The following SEC14L4 variants were observed in gnomAD, a reference collection of about 807,000 sequenced individuals.
SEC14L4 encodes SEC14 like lipid binding 4.
Under a neutral mutation model 55.1 loss-of-function variants are expected in SEC14L4, and 42 were observed. That is an observed-to-expected ratio of 0.76 (90% CI 0.60 to 0.99). The LOEUF (loss-of-function observed/expected upper bound fraction) is 0.99. Among genes scored for constraint, SEC14L4 ranks in the 50% least tolerant of loss-of-function variants. The pLI is 0.00. For synonymous variants in SEC14L4, 206 were observed against 206.8 expected, an observed-to-expected ratio of 1.00 and a Z score of 0.03; for missense variants, 445 against 512.1, an observed-to-expected ratio of 0.87 and a Z score of 1.27.
chr22:30,503,268 G>GT (rs746866054), intron 2 of SEC14L4, among the ~76,000 whole-genome samples: 5,727 of 144,596 alleles, frequency 0.04, 130 homozygotes, highest in Middle Eastern at 0.096. Flanking sequence ...TTGTTTTTTT[G>GT]TTTTTTTTTT....
rs1432751659 is a variant in SEC14L4, at chr22:30,489,926, T to C, written c.*181A>G. 6.4e-7 allele frequency: 1 copy of C among 1,551,926 alleles called. No homozygotes were observed. The highest frequency in any genetic ancestry group is 1.2e-5 in the South Asian group (1 of 84,086). ...CTGTCTGAATCTTCAGCATGGGCTA[T>C]GCACTGGTGGCCCCTTCCTGCTTGG... On this transcript the variant is annotated 3_prime_UTR_variant, in exon 12 of 12. Coordinates refer to ENST00000255858, the MANE Select transcript of SEC14L4 (RefSeq NM_174977.4).
chr22:30,496,807 G>C (rs1936166610), intron 2 of SEC14L4, among the ~76,000 whole-genome samples: 1 of 152,184 alleles, frequency 6.6e-6, no homozygotes, highest in African/African-American at 2.4e-5. Flanking sequence ...CTCACAGTAG[G>C]TTCTCAATAA....
chr22:30,497,808 T>C (rs1936198040), intron 2 of SEC14L4, among the ~76,000 whole-genome samples: 1 of 152,202 alleles, frequency 6.6e-6, no homozygotes, highest in Non-Finnish European at 1.5e-5. Flanking sequence ...TCATCTTCTG[T>C]GTCAATTCTG....
rs1316682057 is a variant in SEC14L4, at chr22:30,498,562, T to C, written c.131-2591A>G. Among the ~76,000 whole-genome samples the C allele has an allele frequency of 5.3e-5, 8 of 152,344 alleles. No homozygotes were observed. The East Asian group carries it at 1.5e-3, about 29-fold the overall frequency. ...TACCAATTGATATTTTTTCTTTCCA[T>C]GTAACATTGGCAAAGGTCTCCAGTT... On this transcript the variant is annotated intron_variant, in intron 2 of 11. Transcript: ENST00000255858.
chr22:30,501,154 C>A (rs1487886875), intron 2 of SEC14L4, among the ~76,000 whole-genome samples: 1 of 152,184 alleles, frequency 6.6e-6, no homozygotes, highest in African/African-American at 2.4e-5. Flanking sequence ...AGCTCAGCCT[C>A]AGCAGTAGCC....
chr22:30,503,661 C>T lies in SEC14L4; in HGVS notation c.130+16G>A, dbSNP rs201167347. On this transcript the variant is annotated intron_variant, in intron 2 of 11. Coordinates refer to ENST00000255858, the MANE Select transcript of SEC14L4 (RefSeq NM_174977.4). ...TTCCCTCCCTTTCTGCGTCCCCTGACCCCTGCAAGCCTCACCTCGCAGCCA... is the reference window on the plus strand; with the variant it reads ...TTCCCTCCCTTTCTGCGTCCCCTGATCCCTGCAAGCCTCACCTCGCAGCCA... 586 of 1,591,144 alleles carry T rather than the reference C, an allele frequency of 3.7e-4. 10 individuals carry two copies. The South Asian group carries it at 6.1e-3, about 17-fold the overall frequency.
Position 30,489,048 on chromosome 22 carries a change from C to G in SEC14L4, c.*1059G>C, listed in dbSNP as rs1024587936. 1.3e-5 allele frequency: 2 copies of G among 152,412 alleles called. No individual in the cohort carries two copies. Among genetic ancestry groups the G allele is most frequent in the African/African-American group, 4.8e-5 (2 of 41,412 alleles). 9.4% of individuals were successfully genotyped at this position (152,412 alleles called of 1,614,324 possible). On this transcript the variant is annotated 3_prime_UTR_variant, in exon 12 of 12. Coordinates refer to ENST00000255858, the MANE Select transcript of SEC14L4 (RefSeq NM_174977.4). The stretch of plus-strand genomic sequence containing the variant: ...TACGTATATGCACCCATGAATGGTG[C>G]AGCTGCCAAGAGAACCAAAGCTAAA...
chr22:30,489,647 C>T lies in SEC14L4; in HGVS notation c.*460G>A. On this transcript the variant is annotated 3_prime_UTR_variant, in exon 12 of 12. Transcript: ENST00000255858. ...CTGCCTCCAGCTGGGCCTGCCCACCCCTGCTGACCTCCTACATGCAGAGAA... is the reference window on the plus strand; with the variant it reads ...CTGCCTCCAGCTGGGCCTGCCCACCTCTGCTGACCTCCTACATGCAGAGAA... 1.7e-6 allele frequency: 1 copy of T among 599,640 alleles called. No homozygotes were observed. The highest frequency in any genetic ancestry group is 3.0e-5 in the Admixed American group (1 of 33,778). The allele number at this position is 599,640 out of a possible 1,614,324, so 37.1% of individuals were successfully genotyped here.
intron 11 of SEC14L4, among the ~76,000 whole-genome samples, chr22:30,490,874 G>C (rs1305512911): frequency 6.6e-6 from 1 of 152,150 alleles, no homozygotes; most frequent in Non-Finnish European, 1.5e-5. Context: ...AGGAGGAATG[G>C]GCTGGGCTAC....
intron 2 of SEC14L4, among the ~76,000 whole-genome samples, chr22:30,497,486 C>T (rs1196844376): frequency 2.7e-5 from 4 of 150,828 alleles, no homozygotes; most frequent in African/African-American, 7.3e-5. Context: ...GATCGCACTA[C>T]TGCACTCCAG....
chr22:30,503,277 T>TG (rs1273287995), intron 2 of SEC14L4, among the ~76,000 whole-genome samples: 1 of 151,656 alleles, frequency 6.6e-6, no homozygotes, highest in Non-Finnish European at 1.5e-5. Flanking sequence ...TGTTTTTTTT[T>TG]TTTTGAGACG....
chr22:30,495,212 C>T, intron 5 of SEC14L4, 42 bp downstream of exon 5: 3 of 1,534,426 alleles, frequency 2.0e-6, no homozygotes, highest in East Asian at 2.3e-5. Flanking sequence ...CCTGGTGCCA[C>T]CCTGTAGACA....
intron 6 of SEC14L4, among the ~76,000 whole-genome samples, chr22:30,494,446 C>T (rs563814804): frequency 3.3e-5 from 5 of 152,290 alleles, no homozygotes; most frequent in East Asian, 3.9e-4. Flanking sequence ...CAGGTCACTG[C>T]GACCTTGAAT....
chr22:30,490,045 G>A lies in SEC14L4; in HGVS notation c.*62C>T. 2 of 1,599,044 alleles carry A rather than the reference G, an allele frequency of 1.3e-6. No individual in the cohort carries two copies. The highest frequency in any genetic ancestry group is 1.7e-6 in the Non-Finnish European group (2 of 1,171,756). ...CTCCAGCACCACCCTGCCTGGGAAGGCAGGGGTCAGAGGGGTGGGTGTGAA... is the reference window on the plus strand; with the variant it reads ...CTCCAGCACCACCCTGCCTGGGAAGACAGGGGTCAGAGGGGTGGGTGTGAA... On this transcript the variant is annotated 3_prime_UTR_variant, in exon 12 of 12. Transcript: ENST00000255858.
At chr22:30,505,001 G>A (rs1021336541) in intron 1 of SEC14L4, among the ~76,000 whole-genome samples, 23 of 151,936 alleles carry the variant, frequency 1.5e-4, no homozygotes, top group African/African-American at 3.4e-4. Flanking sequence ...GTGTGGTGGC[G>A]GGCACCTGTA....
chr22:30,495,753 G>A (rs1002592163), intron 3 of SEC14L4, 111 bp from the exon 4 acceptor site: 2 of 1,607,400 alleles, frequency 1.2e-6, no homozygotes, highest in Non-Finnish European at 1.7e-6. Flanking sequence ...CAGGCTCTCA[G>A]AGCGTGGGGA....
chr22:30,492,432 T>G, intron 8 of SEC14L4, 42 bp downstream of exon 8: 1 of 1,536,874 alleles, frequency 6.5e-7, no homozygotes, highest in Non-Finnish European at 9.0e-7. Flanking sequence ...TGACCTCTGC[T>G]TCCCAGGCAG....
intron 7 of SEC14L4, among the ~76,000 whole-genome samples, chr22:30,493,357 T>C (rs1425218473): frequency 6.6e-6 from 1 of 152,212 alleles, no homozygotes; most frequent in Non-Finnish European, 1.5e-5. Flanking sequence ...CTGTTTCATT[T>C]AACCTCATAG....
chr22:30,499,079 T>C (rs58750696), intron 2 of SEC14L4, among the ~76,000 whole-genome samples: 5,836 of 152,070 alleles, frequency 0.038, 162 homozygotes, highest in African/African-American at 0.075. Flanking sequence ...TAGCTGAGAC[T>C]ACAGGCACCC....
Sources: gnomAD v4.1 joint callset for allele counts (sites outside exome capture counted in the v4.1 genomes callset) on GRCh38, gnomAD v4.1.1 for gene constraint, MANE v1.5 for transcripts, NCBI Gene and HGNC (gene_info 2026-07-23, HGNC 2026-07-21) for gene names.